The following APPL2 variants were observed in gnomAD, a reference collection of about 807,000 sequenced individuals.
The protein encoded by APPL2 is DCC-interacting protein 13-beta.
Under a neutral mutation model 92.7 loss-of-function variants are expected in APPL2, and 84 were observed. The ratio of observed to expected loss-of-function variants is 0.91; its 90% confidence interval spans 0.76 to 1.09. The LOEUF (loss-of-function observed/expected upper bound fraction) is 1.09, where lower values mean the gene tolerates loss of function less well. Among genes scored for constraint, APPL2 ranks in the 50% least tolerant of loss-of-function variants. The probability of loss-of-function intolerance (pLI) is 0.00; values close to 1 mark genes in which losing one functional copy is unlikely to be tolerated. For missense variants in APPL2, 736 were observed against 824.5 expected (o/e 0.89, Z 1.31); for synonymous variants, 291 against 291.0 (o/e 1.00, Z 0.00).
intron 9 of APPL2, among the ~76,000 whole-genome samples, chr12:105,199,958 A>G (rs1592789093): frequency 6.7e-6 from 1 of 149,578 alleles, no homozygotes; most frequent in Non-Finnish European, 1.5e-5. Flanking sequence ...AGCTGGGACT[A>G]CCGGCGCTCG....
intron 4 of APPL2, among the ~76,000 whole-genome samples, chr12:105,214,415 T>C (rs901685536): frequency 1.3e-5 from 2 of 152,228 alleles, no homozygotes; most frequent in African/African-American, 4.8e-5. Context: ...GGGTTATCTT[T>C]CTACTGTTCA....
chr12:105,211,700 G>A (rs902805298), intron 4 of APPL2, among the ~76,000 whole-genome samples: 18 of 152,142 alleles, frequency 1.2e-4, no homozygotes, highest in African/African-American at 4.1e-4. Flanking sequence ...TCAGGACCTC[G>A]CCAGGCTGCT....
Position 105,176,977 on chromosome 12 carries a change from C to T in APPL2, c.1711G>A (p.Glu571Lys). The T allele has an allele frequency of 6.2e-7, 1 of 1,614,022 alleles. No homozygotes were observed. The highest frequency in any genetic ancestry group is 8.5e-7 in the Non-Finnish European group (1 of 1,179,984). ...ACAAAACCAACCAGTCTCTTGTTTT[C>T]TTGATGAGCAGCAAATTGTGTGACA... Reference protein sequence around the residue: ...TSVTQFAAHQENKRLVGFVIR... With the variant: ...TSVTQFAAHQKNKRLVGFVIR... Residue 571 changes from glutamate (E) to lysine (K), a missense_variant, in exon 19 of 21, where the codon GAA (glutamate) becomes AAA (lysine). Transcript: ENST00000258530.
Position 105,197,909 on chromosome 12 carries a change from A to G in APPL2, c.908T>C (p.Phe303Ser). ...VTTTWERLYF[F>S]TQGGNLMCQP... ...ACACATGAGATTCCCGCCTTGGGTG[A>G]AGAAATAAAGCCTCTCCCAGGTGGT... The change falls in exon 11 of 21, where the codon TTC (phenylalanine) becomes TCC (serine). Residue 303 changes from phenylalanine to serine, a missense_variant. Coordinates refer to ENST00000258530, the MANE Select transcript of APPL2 (RefSeq NM_018171.5). 1 of 1,614,146 alleles carries G rather than the reference A, an allele frequency of 6.2e-7. No homozygotes were observed. Among genetic ancestry groups the G allele is most frequent in the Admixed American group, 1.7e-5 (1 of 60,018 alleles).
intron 16 of APPL2, among the ~76,000 whole-genome samples, chr12:105,189,351 A>G (rs903345752): frequency 6.6e-6 from 1 of 152,214 alleles, no homozygotes; most frequent in Non-Finnish European, 1.5e-5. Context: ...TCTTAAGTAC[A>G]TTATAAGAAT....
chr12:105,217,020 G>GA, intron 4 of APPL2, 49 bp downstream of exon 4: 2 of 1,369,742 alleles, frequency 1.5e-6, no homozygotes, highest in East Asian at 2.3e-5. Flanking sequence ...AACAACAAAA[G>GA]AAAGTTCGAG....
rs572295604 is a variant in APPL2, at chr12:105,197,669, A to C, written c.1052+96T>G. 5 of 1,477,558 alleles carry C rather than the reference A, an allele frequency of 3.4e-6. No individual in the cohort carries two copies. The East Asian group carries it at 1.2e-4, about 35-fold the overall frequency. The allele number at this position is 1,477,558 out of a possible 1,614,324, so 91.5% of individuals were successfully genotyped here. On this transcript the variant is annotated intron_variant, in intron 11 of 20. Transcript: ENST00000258530. ...CAATACCCAGATTGGGGCCTCTCCC[A>C]CAGAGGGCTGGCACATAGGAATGAA...
At chr12:105,178,555 C>T (rs1452597770) in intron 17 of APPL2, among the ~76,000 whole-genome samples, 4 of 152,130 alleles carry the variant, frequency 2.6e-5, no homozygotes, top group Admixed American at 6.5e-5. Context: ...CCCCCATGCC[C>T]CCAACAAAAG....
chr12:105,180,083 T>C (rs565871402), intron 17 of APPL2, among the ~76,000 whole-genome samples: 2 of 152,352 alleles, frequency 1.3e-5, no homozygotes, highest in South Asian at 4.1e-4. Context: ...CTAGGTTTTC[T>C]TCTAGGGTTT....
chr12:105,180,507 G>C (rs750694672), intron 17 of APPL2, among the ~76,000 whole-genome samples: 51 of 152,296 alleles, frequency 3.3e-4, no homozygotes, highest in African/African-American at 1.2e-3. Context: ...TTCTAACTCT[G>C]TTAAGAAAGT....
chr12:105,189,704 A>G (rs1887027481), intron 16 of APPL2, 68 bp downstream of exon 16: 1 of 1,492,658 alleles, frequency 6.7e-7, no homozygotes, highest in Non-Finnish European at 9.3e-7. Context: ...ATGATTTCAC[A>G]TCTTATTTCA....
At position 105,176,050 on chromosome 12, in the gene APPL2, A is replaced by T; in HGVS notation, c.1845T>A (p.Ile615=). ...TGCATCTTACCTTCTGAACCTCAAT[A>T]ATTTCTTTTCCCAAATTAATAGCAT... ...ICYAINLGKE[I]IEVQKDPEAL... Residue 615 remains isoleucine (I), a synonymous_variant, in exon 20 of 21, where the codon ATT becomes ATA. Coordinates refer to ENST00000258530, the MANE Select transcript of APPL2 (RefSeq NM_018171.5). The T allele has an allele frequency of 6.3e-7, 1 of 1,592,390 alleles. No individual in the cohort carries two copies. The highest frequency in any genetic ancestry group is 8.5e-7 in the Non-Finnish European group (1 of 1,172,418).
intron 2 of APPL2, among the ~76,000 whole-genome samples, chr12:105,219,885 C>T (rs928963617): frequency 7.9e-5 from 12 of 152,336 alleles, no homozygotes; most frequent in African/African-American, 2.2e-4. Context: ...CTGAGGGCAG[C>T]ACCATGTGGA....
Position 105,217,060 on chromosome 12 carries a change from C to G in APPL2, c.285+9G>C. The G allele has an allele frequency of 6.3e-7, 1 of 1,581,264 alleles. No homozygotes were observed. The highest frequency in any genetic ancestry group is 8.6e-7 in the Non-Finnish European group (1 of 1,157,588). Reference sequence around the variant, plus strand: ...AATCAAATACAAATTTTCTATGTTGCTATCTTACCTCATCCACCACTTTGG... The same window carrying G: ...AATCAAATACAAATTTTCTATGTTGGTATCTTACCTCATCCACCACTTTGG... On this transcript the variant is annotated intron_variant, in intron 4 of 20. Transcript: ENST00000258530.
At chr12:105,179,445 A>G (rs146785181) in intron 17 of APPL2, among the ~76,000 whole-genome samples, 4 of 152,360 alleles carry the variant, frequency 2.6e-5, no homozygotes, top group African/African-American at 7.2e-5. Flanking sequence ...TGCAATACAC[A>G]TAGTGTGCAT....
intron 2 of APPL2, among the ~76,000 whole-genome samples, chr12:105,225,859 G>A (rs1490042330): frequency 6.6e-6 from 1 of 152,174 alleles, no homozygotes; most frequent in Non-Finnish European, 1.5e-5. Flanking sequence ...CTAAAACTAA[G>A]GTCTCTGAAG....
At chr12:105,221,506 C>T (rs902861731) in intron 2 of APPL2, among the ~76,000 whole-genome samples, 4 of 152,188 alleles carry the variant, frequency 2.6e-5, no homozygotes, top group Non-Finnish European at 4.4e-5. Flanking sequence ...GACTATTATG[C>T]TATTCCAATC....
At chr12:105,182,667 T>C (rs1886224721) in intron 17 of APPL2, among the ~76,000 whole-genome samples, 1 of 152,206 alleles carries the variant, frequency 6.6e-6, no homozygotes, top group African/African-American at 2.4e-5. Context: ...AGGAGTATTT[T>C]ACTTCCGATT....
intron 17 of APPL2, 109 bp downstream of exon 17, chr12:105,188,164 G>T: frequency 7.8e-7 from 1 of 1,274,680 alleles, no homozygotes; most frequent in Non-Finnish European, 1.1e-6. Flanking sequence ...GGGGGCAAAA[G>T]CAAGAGTAGT....
Sources: gnomAD v4.1 joint callset for allele counts (sites outside exome capture counted in the v4.1 genomes callset) on GRCh38, gnomAD v4.1.1 for gene constraint, MANE v1.5 for transcripts, NCBI Gene and HGNC (gene_info 2026-07-23, HGNC 2026-07-21) for gene names.